WSCD1: variants seen among roughly 807,000 people sequenced by gnomAD.
WSCD1 encodes WSC domain sialate O sulfotransferase 1.
A neutral mutation model predicts 60.4 loss-of-function variants in WSCD1; 41 were observed. That is an observed-to-expected ratio of 0.68 (90% CI 0.53 to 0.88). The LOEUF is 0.88. Ranked by LOEUF, WSCD1 falls within the 40% of genes least tolerant of loss-of-function variation. The pLI is 0.00. For synonymous variants in WSCD1, 361 were observed against 332.5 expected (o/e 1.09, Z -0.93); for missense variants, 784 against 796.2 (o/e 0.98, Z 0.18).
rs1908802858 is a variant in WSCD1 at position 6,075,616 on chromosome 17, CT to C, written c.-288-4754del. On this transcript the variant is annotated intron_variant, in intron 1 of 8. Coordinates refer to ENST00000317744, the MANE Select transcript of WSCD1 (RefSeq NM_015253.2). This position sits in a 1 kb window ranked among gnomAD's most constrained non-coding sequence, Gnocchi z 4.1. Reference sequence around the variant, plus strand: ...TGAGACTTCCAGAAGCCCATTTGTTCTGTTACTCTCTTCTCATGCTTGACAG... The same window carrying C: ...TGAGACTTCCAGAAGCCCATTTGTTCGTTACTCTCTTCTCATGCTTGACAG... 6.6e-6 allele frequency among the ~76,000 whole-genome samples: 1 copy of C among 152,184 alleles called. No individual in the cohort carries two copies. Among genetic ancestry groups the C allele is most frequent in the African/African-American group, 2.4e-5 (1 of 41,444 alleles).
intron 4 of WSCD1, among the ~76,000 whole-genome samples, chr17:6,091,887 T>C (rs533084089): frequency 1.6e-4 from 25 of 152,118 alleles, no homozygotes; most frequent in Non-Finnish European, 2.5e-4. Context: ...CCGGGCGCGG[T>C]GGCTCACGCC....
Position 6,122,197 on chromosome 17 carries a change from A to G in WSCD1, c.*1536A>G, listed in dbSNP as rs1904755257. 1 of 152,258 alleles carries G rather than the reference A, an allele frequency of 6.6e-6. No homozygotes were observed. 9.4% of individuals were successfully genotyped at this position (152,258 alleles called of 1,614,324 possible). On this transcript the variant is annotated 3_prime_UTR_variant, in exon 9 of 9. Coordinates refer to ENST00000317744, the MANE Select transcript of WSCD1 (RefSeq NM_015253.2). Reference sequence around the variant, plus strand: ...CTGCTTCCTAGCCTGATGATGGGGAACCCAGAGCCACCCGCTATGAGCACA... The same window carrying G: ...CTGCTTCCTAGCCTGATGATGGGGAGCCCAGAGCCACCCGCTATGAGCACA...
chr17:6,120,605 C>A lies in WSCD1; in HGVS notation c.1672C>A (p.Gln558Lys), dbSNP rs1290066750. ...LINGYIRTVD[Q>K]ALRDHNWTGL... ...CAATGGCTACATCCGGACGGTGGACCAAGCCCTGCGTGACCACAACTGGAC... is the reference window on the plus strand; with the variant it reads ...CAATGGCTACATCCGGACGGTGGACAAAGCCCTGCGTGACCACAACTGGAC... Residue 558 changes from glutamine to lysine, a missense_variant, in exon 9 of 9, where the codon CAA becomes AAA. Gln to Lys is a moderately conservative substitution (Grantham distance 53). Transcript: ENST00000317744. 2 of 1,613,516 alleles carry A rather than the reference C, an allele frequency of 1.2e-6. No homozygotes were observed. Among genetic ancestry groups the A allele is most frequent in the Non-Finnish European group, 1.7e-6 (2 of 1,179,986 alleles).
At chr17:6,113,952 G>C (rs1379313023) in intron 7 of WSCD1, among the ~76,000 whole-genome samples, 3 of 151,948 alleles carry the variant, frequency 2.0e-5, no homozygotes, top group African/African-American at 7.2e-5. Context: ...AAAAAAAGTA[G>C]AATTGTCATA....
At chr17:6,072,541 CTT>C (rs1908608075) in intron 1 of WSCD1, among the ~76,000 whole-genome samples, 1 of 152,240 alleles carries the variant, frequency 6.6e-6, no homozygotes, top group African/African-American at 2.4e-5. Flanking sequence ...CTCCCTGACT[CTT>C]TCTCTGGAGG....
In WSCD1 at chr17:6,109,781, C is replaced by G; in HGVS notation, c.1009+15C>G. The stretch of plus-strand genomic sequence containing the variant: ...ACCTGTGCAAGGTGGGTTCTGCATC[C>G]CCGACTGGTAGTGGCATTTGGTCTG... On this transcript the variant is annotated intron_variant, in intron 6 of 8. Coordinates refer to ENST00000317744, the MANE Select transcript of WSCD1 (RefSeq NM_015253.2). 6.2e-7 allele frequency: 1 copy of G among 1,604,916 alleles called. No individual in the cohort carries two copies. Among genetic ancestry groups the G allele is most frequent in the Non-Finnish European group, 8.5e-7 (1 of 1,172,806 alleles).
chr17:6,112,691 G>A (rs559937920), intron 7 of WSCD1, among the ~76,000 whole-genome samples: 18 of 151,126 alleles, frequency 1.2e-4, no homozygotes, highest in South Asian at 2.1e-4. Flanking sequence ...TGAAGAAAGC[G>A]GTACCATTTA....
chr17:6,079,639 C>T (rs544270151), intron 1 of WSCD1, among the ~76,000 whole-genome samples: 27 of 152,326 alleles, frequency 1.8e-4, no homozygotes, highest in Non-Finnish European at 2.8e-4. Flanking sequence ...CCCTCCCTCC[C>T]CTGGGCCCCA....
At position 6,073,054 on chromosome 17, in the gene WSCD1, C is replaced by T. The variant is rs530282915; in HGVS notation, c.-289+2402C>T. Among the ~76,000 whole-genome samples the T allele has an allele frequency of 1.7e-3, 259 of 152,320 alleles. 1 individual carries two copies. The highest frequency in any genetic ancestry group is 5.8e-3 in the African/African-American group (239 of 41,560). ...GTGAGCTCCCTTCTAGAGAGTGGCT[C>T]CCTTGACATGAGGGGGTCGAGAGTA... On this transcript the variant is annotated intron_variant, in intron 1 of 8. Coordinates refer to ENST00000317744, the MANE Select transcript of WSCD1 (RefSeq NM_015253.2).
chr17:6,086,973 C>G (rs1287264363), intron 2 of WSCD1, among the ~76,000 whole-genome samples: 3 of 152,206 alleles, frequency 2.0e-5, no homozygotes, highest in African/African-American at 7.2e-5. Flanking sequence ...GTGGTGCGCT[C>G]CCCAGGTGAC....
intron 1 of WSCD1, among the ~76,000 whole-genome samples, chr17:6,076,004 G>A (rs1042441587): frequency 6.6e-6 from 1 of 152,162 alleles, no homozygotes; most frequent in Non-Finnish European, 1.5e-5. Flanking sequence ...GCTTTGGCCC[G>A]GCATGACTTC....
intron 5 of WSCD1, among the ~76,000 whole-genome samples, chr17:6,109,118 A>G (rs1316020735): frequency 4.6e-5 from 7 of 152,196 alleles, no homozygotes; most frequent in African/African-American, 1.4e-4. Context: ...AGGTCTGTTC[A>G]TTAGTGGTGT....
intron 5 of WSCD1, among the ~76,000 whole-genome samples, chr17:6,096,450 A>G (rs1322815540): frequency 6.6e-6 from 1 of 151,908 alleles, no homozygotes; most frequent in Admixed American, 6.6e-5. Context: ...GGGCTGGAGA[A>G]CAAGGGGGCT....
intron 5 of WSCD1, among the ~76,000 whole-genome samples, chr17:6,105,208 C>T (rs966334373): frequency 3.3e-5 from 5 of 152,142 alleles, no homozygotes; most frequent in Non-Finnish European, 5.9e-5. Context: ...ACTAGCCGTG[C>T]GTCCAGACCG....
At chr17:6,081,163 C>T (rs1597351725) in intron 2 of WSCD1, 78 bp downstream of exon 2, 1 of 1,436,866 alleles carries the variant, frequency 7.0e-7, no homozygotes, top group East Asian at 2.5e-5. Flanking sequence ...TCCCCTTTCT[C>T]TCTGCAGGCC....
chr17:6,095,980 T>C (rs753979031), intron 5 of WSCD1, among the ~76,000 whole-genome samples: 32 of 152,186 alleles, frequency 2.1e-4, no homozygotes, highest in Non-Finnish European at 3.8e-4. Context: ...TCAATGTGGC[T>C]TTGATACTTG....
Position 6,090,475 on chromosome 17 carries a change from G to A in WSCD1, c.697G>A (p.Val233Met). 1 of 1,613,068 alleles carries A rather than the reference G, an allele frequency of 6.2e-7. No homozygotes were observed. The highest frequency in any genetic ancestry group is 8.5e-7 in the Non-Finnish European group (1 of 1,179,562). Residue 233 changes from valine to methionine, a missense_variant, in exon 4 of 9, where the codon GTG (valine) becomes ATG (methionine). Coordinates refer to ENST00000317744, the MANE Select transcript of WSCD1 (RefSeq NM_015253.2). ...GAVDRLSVYR[V>M]DELQPGSRKR... ...TGTGGACCGGCTCTCCGTGTACCGT[G>A]TGGACGAGCTGCAGCCGGGCTCCAG...
intron 4 of WSCD1, among the ~76,000 whole-genome samples, chr17:6,091,759 G>A (rs1365619343): frequency 6.6e-6 from 1 of 152,168 alleles, no homozygotes; most frequent in African/African-American, 2.4e-5. Context: ...GGAGGCAGAG[G>A]CACAGCCCAG....
chr17:6,090,350 G>A lies in WSCD1; in HGVS notation c.572G>A (p.Gly191Glu). The A allele has an allele frequency of 2.5e-6, 4 of 1,607,086 alleles. No individual in the cohort carries two copies. Among genetic ancestry groups the A allele is most frequent in the Non-Finnish European group, 3.4e-6 (4 of 1,177,070 alleles). Residue 191 changes from glycine to glutamate, a missense_variant, in exon 4 of 9, where the codon GGG becomes GAG. Transcript: ENST00000317744. ...TATGTCTACGCCGGCTTGGAGGCCG[G>A]GGCGGAGTGTTACTGCGGGAACCGG... Reference protein sequence around the residue: ...RSYVYAGLEAGAECYCGNRLP... With the variant: ...RSYVYAGLEAEAECYCGNRLP...
Sources: allele counts gnomAD v4.1 joint callset (sites outside exome capture counted in the v4.1 genomes callset), GRCh38; gene constraint gnomAD v4.1.1; non-coding constraint Gnocchi (gnomAD v3.1); transcripts MANE v1.5; gene names NCBI Gene and HGNC (gene_info 2026-07-23, HGNC 2026-07-21).